SLC35E2B: variants seen among roughly 807,000 people sequenced by gnomAD.
SLC35E2B encodes the protein solute carrier family 35 member E2B, also known as solute carrier family 35, member E2B.
Under a neutral mutation model 32.4 loss-of-function variants are expected in SLC35E2B, and 18 were observed. The ratio of observed to expected loss-of-function variants is 0.56; its 90% confidence interval spans 0.38 to 0.82. The LOEUF (loss-of-function observed/expected upper bound fraction) is 0.82, where lower values mean the gene tolerates loss of function less well. SLC35E2B is among the 40% of genes least tolerant of loss of function. SLC35E2B has a pLI of 0.00. For synonymous variants in SLC35E2B, 132 were observed against 209.1 expected (o/e 0.63, Z 3.18); for missense variants, 263 against 469.5 (o/e 0.56, Z 4.06).
chr1:1,688,898 G>C (rs1196644836), intron 2 of SLC35E2B, among the ~76,000 whole-genome samples: 1 of 151,714 alleles, frequency 6.6e-6, no homozygotes, highest in East Asian at 1.9e-4. Flanking sequence ...GAGGTCGGGC[G>C]CGGTGGCTCA....
In SLC35E2B at chr1:1,669,239, G is replaced by T. The variant is rs1401807842; in HGVS notation, c.834+425C>A. On this transcript the variant is annotated intron_variant, in intron 8 of 9. Coordinates refer to ENST00000617444, the MANE Select transcript of SLC35E2B (RefSeq NM_001290264.2). ...CTCTAGGGAAGTCTACAAATTGCAG[G>T]TCCCAGCTACTTGGGAAGCTGAGGC... Among the ~76,000 whole-genome samples, 3 of 151,568 alleles carry T rather than the reference G, an allele frequency of 2.0e-5. No individual in the cohort carries two copies. In the East Asian group the frequency reaches 5.8e-4, roughly 30 times the overall value.
intron 5 of SLC35E2B, chr1:1,673,968 GAA>G (rs143198348): frequency 5.9e-4 from 65 of 109,312 alleles, no homozygotes; most frequent in East Asian, 1.4e-3. Flanking sequence ...TCTCAAAAAA[GAA>G]AAAAAAAAAA....
At chr1:1,670,997 C>T (rs1379998693) in intron 6 of SLC35E2B, 1 of 152,272 alleles carries the variant, frequency 6.6e-6, no homozygotes, top group African/African-American at 2.4e-5. Context: ...TACCGAGTGA[C>T]AAAGACGTAA....
chr1:1,670,324 G>A, intron 6 of SLC35E2B, 173 bp from the exon 7 acceptor site: 1 of 565,316 alleles, frequency 1.8e-6, no homozygotes, highest in South Asian at 2.1e-5. Flanking sequence ...GTTTCACCGT[G>A]TTGGCCAGGC....
intron 2 of SLC35E2B, among the ~76,000 whole-genome samples, chr1:1,690,583 A>T (rs1201620594): frequency 1.6e-5 from 2 of 126,598 alleles, no homozygotes; most frequent in East Asian, 4.6e-4. Context: ...TACCAAAAAT[A>T]CAAAAATTAG....
chr1:1,678,968 C>A (rs1038645884), intron 2 of SLC35E2B, among the ~76,000 whole-genome samples: 5 of 152,254 alleles, frequency 3.3e-5, no homozygotes, highest in Non-Finnish European at 5.9e-5. Flanking sequence ...AGAGCACTCG[C>A]GACAGGGCTC....
intron 2 of SLC35E2B, among the ~76,000 whole-genome samples, chr1:1,686,232 G>A (rs1365287376): frequency 2.0e-5 from 3 of 151,826 alleles, no homozygotes; most frequent in Non-Finnish European, 2.9e-5. Flanking sequence ...TCGAACTCCT[G>A]ACCTCGTGAT....
chr1:1,692,505 A>C lies in SLC35E2B; in HGVS notation c.-622T>G, dbSNP rs1380192726. 4.2e-5 allele frequency: 41 copies of C among 985,146 alleles called. No homozygotes were observed. The highest frequency in any genetic ancestry group is 4.7e-5 in the South Asian group (1 of 21,356). 61.0% of individuals were successfully genotyped at this position (985,146 alleles called of 1,614,324 possible). A position where few individuals can be genotyped will look rare whatever the true frequency, so the allele number is the denominator to read the frequency against. On this transcript the variant is annotated 5_prime_UTR_variant, in exon 1 of 10. Transcript: ENST00000617444. ...TAGCGCTAGGCCCCGGCGCCTTCACAACAAAGGGACGCTGGCGGGCGGGGC... is the reference window on the plus strand; with the variant it reads ...TAGCGCTAGGCCCCGGCGCCTTCACCACAAAGGGACGCTGGCGGGCGGGGC...
Position 1,675,119 on chromosome 1 carries a change from G to A in SLC35E2B, c.586+344C>T, listed in dbSNP as rs1378295777. On this transcript the variant is annotated intron_variant, in intron 5 of 9. Coordinates refer to ENST00000617444, the MANE Select transcript of SLC35E2B (RefSeq NM_001290264.2). ...CACGGCCGCCTGTGTGGTGCTGGCC[G>A]AAGGCGGCCCCCACCCGTCCTCTTC... Among the ~76,000 whole-genome samples, 21 of 150,898 alleles carry A rather than the reference G, an allele frequency of 1.4e-4. 2 individuals carry two copies. Among genetic ancestry groups the A allele is most frequent in the Admixed American group, 1.1e-3 (17 of 15,204 alleles).
At position 1,675,447 on chromosome 1, in the gene SLC35E2B, G is replaced by T; in HGVS notation, c.586+16C>A. 1 of 1,612,368 alleles carries T rather than the reference G, an allele frequency of 6.2e-7. No individual in the cohort carries two copies. Among genetic ancestry groups the T allele is most frequent in the Non-Finnish European group, 8.5e-7 (1 of 1,179,508 alleles). On this transcript the variant is annotated intron_variant, in intron 5 of 9. Transcript: ENST00000617444. ...TGGTGGGGCGCAGGCGGAGGGGCGGGGCCCGGGGGCCTCACCTGTGTACTC... is the reference window on the plus strand; with the variant it reads ...TGGTGGGGCGCAGGCGGAGGGGCGGTGCCCGGGGGCCTCACCTGTGTACTC...
chr1:1,689,158 C>T lies in SLC35E2B; in HGVS notation c.-148+1818G>A, dbSNP rs184585643. On this transcript the variant is annotated intron_variant, in intron 2 of 9. Coordinates refer to ENST00000617444, the MANE Select transcript of SLC35E2B (RefSeq NM_001290264.2). ...CTACACTCCAACCTGGCTGACAGAG[C>T]GAGACTGTCTCAAAAAAAAACAAAC... 1.6e-3 allele frequency among the ~76,000 whole-genome samples: 240 copies of T among 151,946 alleles called. 1 individual carries two copies. The highest frequency in any genetic ancestry group is 2.9e-3 in the Non-Finnish European group (197 of 67,982).
At chr1:1,667,870 GAGA>G (rs1342142691) in intron 9 of SLC35E2B, among the ~76,000 whole-genome samples, 2 of 120,738 alleles carry the variant, frequency 1.7e-5, no homozygotes, top group South Asian at 2.6e-4. Context: ...TTTTTTTTTT[GAGA>G]AGGACTCTCG....
intron 6 of SLC35E2B, 158 bp from the exon 7 acceptor site, chr1:1,670,309 A>T (rs1643654224): frequency 1.7e-6 from 1 of 600,822 alleles, no homozygotes; most frequent in East Asian, 2.9e-5. Flanking sequence ...TTTAGTAGAG[A>T]TAGGGTTTCA....
At chr1:1,682,155 C>T (rs1255759140) in intron 2 of SLC35E2B, among the ~76,000 whole-genome samples, 6 of 151,862 alleles carry the variant, frequency 4.0e-5, no homozygotes. Context: ...TGACCGTGCC[C>T]GGCTGGGTGC....
chr1:1,681,679 G>T (rs1319517030), intron 2 of SLC35E2B, among the ~76,000 whole-genome samples: 1 of 148,892 alleles, frequency 6.7e-6, no homozygotes, highest in Non-Finnish European at 1.5e-5. Flanking sequence ...GCTAATTTTT[G>T]TACTTTTAGA....
In SLC35E2B at chr1:1,670,331, AG is replaced by A. The variant is rs903346645; in HGVS notation, c.708-181del. 5.5e-6 allele frequency: 3 copies of A among 550,428 alleles called. No homozygotes were observed. The African/African-American group carries it at 5.8e-5, about 11-fold the overall frequency. The allele number at this position is 550,428 out of a possible 1,614,324, so 34.1% of individuals were successfully genotyped here. On this transcript the variant is annotated intron_variant, in intron 6 of 9. Coordinates refer to ENST00000617444, the MANE Select transcript of SLC35E2B (RefSeq NM_001290264.2). Reference sequence around the variant, plus strand: ...GAGATAGGGTTTCACCGTGTTGGCCAGGCTGGTCTCCAACTCCTGACCTCAA... The same window carrying A: ...GAGATAGGGTTTCACCGTGTTGGCCAGCTGGTCTCCAACTCCTGACCTCAA...
intron 8 of SLC35E2B, among the ~76,000 whole-genome samples, chr1:1,669,161 C>T (rs186522674): frequency 6.6e-6 from 1 of 151,932 alleles, no homozygotes; most frequent in African/African-American, 2.4e-5. Context: ...TCCAGAAAAC[C>T]GCAATAAGAA....
chr1:1,681,986 CTCAAAAAAAAAAAAAAAAAAAAAA>C (rs1643903312), intron 2 of SLC35E2B, among the ~76,000 whole-genome samples: 1 of 64,192 alleles, frequency 1.6e-5, no homozygotes, highest in Non-Finnish European at 2.8e-5. Context: ...AACACTCTGT[CTCAAAAAAAAAAAAAAAAAAAAAA>C]AAAAAAAAAA....
Position 1,665,268 on chromosome 1 carries a change from T to C in SLC35E2B, c.*514A>G. ...GGGGAGAAGTTCTGAGTGCCCACCGTGGCAGCAGGAGACCCTTCCTTCCAG... is the reference window on the plus strand; with the variant it reads ...GGGGAGAAGTTCTGAGTGCCCACCGCGGCAGCAGGAGACCCTTCCTTCCAG... On this transcript the variant is annotated 3_prime_UTR_variant, in exon 10 of 10. Transcript: ENST00000617444. 1 of 262,308 alleles carries C rather than the reference T, an allele frequency of 3.8e-6. No individual in the cohort carries two copies. Among genetic ancestry groups the C allele is most frequent in the Non-Finnish European group, 7.2e-6 (1 of 139,544 alleles). The allele number at this position is 262,308 out of a possible 1,614,324, so 16.2% of individuals were successfully genotyped here.
Sources: gnomAD v4.1 joint callset for allele counts (sites outside exome capture counted in the v4.1 genomes callset) on GRCh38, gnomAD v4.1.1 for gene constraint, MANE v1.5 for transcripts, NCBI Gene and HGNC (gene_info 2026-07-23, HGNC 2026-07-21) for gene names.